Variants in NRXN3 observed in about 807,000 individuals in gnomAD.
The protein encoded by NRXN3 is neurexin III.
NRXN3 carries 32 observed loss-of-function variants against 137.6 expected under a neutral mutation model. The observed-to-expected ratio is 0.23, with a 90% CI of 0.18 to 0.31. The LOEUF is 0.31. NRXN3 is among the 10% of genes least tolerant of loss of function. The probability of loss-of-function intolerance (pLI) is 1.00; values close to 1 mark genes in which losing one functional copy is unlikely to be tolerated. For missense variants in NRXN3, 1,574 were observed against 2,062.5 expected, an observed-to-expected ratio of 0.76 and a Z score of 4.59; for synonymous variants, 798 against 784.5, an observed-to-expected ratio of 1.02 and a Z score of -0.29.
chr14:78,846,855 C>G (rs1183456351), intron 10 of NRXN3, among the ~76,000 whole-genome samples: 2 of 152,136 alleles, frequency 1.3e-5, no homozygotes, highest in African/African-American at 4.8e-5. Flanking sequence ...TGCTTAATCC[C>G]TACTTTTTCA....
intron 10 of NRXN3, among the ~76,000 whole-genome samples, chr14:78,864,643 GA>G (rs1283063180): frequency 2.6e-5 from 4 of 151,950 alleles, no homozygotes; most frequent in Non-Finnish European, 5.9e-5. Flanking sequence ...AGATTAACAG[GA>G]AAAAAAGCAT....
intron 15 of NRXN3, among the ~76,000 whole-genome samples, chr14:79,138,524 C>G (rs929907437): frequency 1.3e-5 from 2 of 152,192 alleles, no homozygotes; most frequent in Non-Finnish European, 2.9e-5. Flanking sequence ...TGCAATGACT[C>G]TTGAAGATAG....
In NRXN3 at chr14:78,684,000, G is replaced by A. The variant is rs117625828; in HGVS notation, c.1222-25217G>A. On this transcript the variant is annotated intron_variant, in intron 6 of 20. Coordinates refer to ENST00000335750, the MANE Select transcript of NRXN3 (RefSeq NM_001330195.2). ...GGTTTACTTCTTAGTTAACTCTAAA[G>A]GAAGGATAATGTCATCTATTGAATA... is the stretch of plus-strand genomic sequence containing the variant. Among the ~76,000 whole-genome samples, 729 of 152,260 alleles carry A rather than the reference G, an allele frequency of 4.8e-3. 4 individuals are homozygous for A. Among genetic ancestry groups the A allele is most frequent in the Non-Finnish European group, 7.6e-3 (516 of 68,022 alleles).
intron 4 of NRXN3, among the ~76,000 whole-genome samples, chr14:78,494,054 C>T (rs748311116): frequency 6.6e-6 from 1 of 152,138 alleles, no homozygotes; most frequent in Non-Finnish European, 1.5e-5. Context: ...TCCCTTGGTC[C>T]TAGCCATTTT....
At chr14:79,147,656 A>G (rs2153019870) in intron 15 of NRXN3, among the ~76,000 whole-genome samples, 1 of 152,224 alleles carries the variant, frequency 6.6e-6, no homozygotes, top group Admixed American at 6.5e-5. Context: ...AGCCTTCACA[A>G]GCAGAGGCAT....
intron 15 of NRXN3, among the ~76,000 whole-genome samples, chr14:79,034,542 A>C (rs2099613121): frequency 6.6e-6 from 1 of 152,136 alleles, no homozygotes; most frequent in Admixed American, 6.6e-5. Flanking sequence ...CTTGCTCCGC[A>C]CTTGGGATGG....
intron 4 of NRXN3, among the ~76,000 whole-genome samples, chr14:78,419,951 G>GCA (rs1555518513): frequency 9.1e-5 from 2 of 21,990 alleles, no homozygotes; most frequent in African/African-American, 2.5e-4. Context: ...GTGTGCGCGC[G>GCA]CGCGCGCACG....
chr14:78,296,037 CT>C (rs951622758), intron 3 of NRXN3, among the ~76,000 whole-genome samples: 86 of 141,154 alleles, frequency 6.1e-4, no homozygotes, highest in Middle Eastern at 3.6e-3. Context: ...CTTTTCTTTT[CT>C]TTTTTTTTTC....
At chr14:79,859,605 C>A (rs1204925349) in intron 20 of NRXN3, among the ~76,000 whole-genome samples, 1 of 152,178 alleles carries the variant, frequency 6.6e-6, no homozygotes, top group East Asian at 1.9e-4. Flanking sequence ...GGTACTGAAT[C>A]ACCTCCTTGT....
intron 8 of NRXN3, among the ~76,000 whole-genome samples, chr14:78,779,094 T>G (rs968061370): frequency 6.6e-5 from 10 of 152,024 alleles, no homozygotes; most frequent in Non-Finnish European, 1.3e-4. Context: ...AAAGAACAAC[T>G]GTATGTGTAT....
intron 2 of NRXN3, among the ~76,000 whole-genome samples, chr14:78,275,619 A>G (rs1018324996): frequency 1.3e-5 from 2 of 152,208 alleles, no homozygotes; most frequent in Non-Finnish European, 2.9e-5. Context: ...TAATTCCAGT[A>G]AAATTCTCTG....
intron 16 of NRXN3, among the ~76,000 whole-genome samples, chr14:79,566,574 TAC>T (rs2097552108): frequency 1.3e-5 from 2 of 152,224 alleles, no homozygotes; most frequent in Admixed American, 6.5e-5. Context: ...TTCATTGCAT[TAC>T]AGAGTCATAC....
At chr14:79,573,263 C>T (rs759013938) in intron 16 of NRXN3, among the ~76,000 whole-genome samples, 6 of 152,038 alleles carry the variant, frequency 3.9e-5, no homozygotes, top group Non-Finnish European at 7.4e-5. Context: ...AGTACCTAAA[C>T]CAAATCGAAA....
chr14:79,075,646 T>C (rs1396154731), intron 15 of NRXN3, among the ~76,000 whole-genome samples: 1 of 152,182 alleles, frequency 6.6e-6, no homozygotes. Context: ...TGCCAAAACA[T>C]ATTTTTCATT....
intron 19 of NRXN3, among the ~76,000 whole-genome samples, chr14:79,797,516 A>G (rs1212090623): frequency 6.6e-6 from 1 of 152,208 alleles, no homozygotes; most frequent in African/African-American, 2.4e-5. Flanking sequence ...GACCTGCTTC[A>G]TGAGATGCCC....
chr14:79,765,810 C>A (rs944312925), intron 19 of NRXN3, among the ~76,000 whole-genome samples: 1 of 152,142 alleles, frequency 6.6e-6, no homozygotes, highest in Non-Finnish European at 1.5e-5. Flanking sequence ...TTAACATGAC[C>A]AGTAAGGAAG....
intron 6 of NRXN3, among the ~76,000 whole-genome samples, chr14:78,688,905 A>G (rs2098145284): frequency 6.6e-6 from 1 of 151,966 alleles, no homozygotes; most frequent in African/African-American, 2.4e-5. Context: ...AAAGCAGATT[A>G]TGTCCTAGAA....
At chr14:78,506,905 C>T (rs1443982411) in intron 4 of NRXN3, among the ~76,000 whole-genome samples, 1 of 151,950 alleles carries the variant, frequency 6.6e-6, no homozygotes, top group East Asian at 1.9e-4. Flanking sequence ...AATTGTAGGC[C>T]ATTTTTGTGT....
chr14:78,283,729 A>C (rs1043772120), intron 3 of NRXN3, among the ~76,000 whole-genome samples: 12 of 152,032 alleles, frequency 7.9e-5, no homozygotes, highest in African/African-American at 2.4e-4. Context: ...GGCTTGTCTC[A>C]AACTCCTGAC....
Sources: allele counts gnomAD v4.1 joint callset (sites outside exome capture counted in the v4.1 genomes callset), GRCh38; gene constraint gnomAD v4.1.1; transcripts MANE v1.5; gene names NCBI Gene and HGNC (gene_info 2026-07-23, HGNC 2026-07-21).